RPAP3: variants seen among roughly 807,000 people sequenced by gnomAD.
RPAP3 encodes the protein RNA polymerase II-associated protein 3.
In RPAP3, 58 loss-of-function variants were observed where a neutral mutation model predicts 88.8. The observed-to-expected ratio is 0.65, with a 90% CI of 0.53 to 0.81. RPAP3 has a LOEUF of 0.81. Ranked by LOEUF, RPAP3 falls within the 40% of genes least tolerant of loss-of-function variation. RPAP3 has a pLI of 0.00. For missense variants in RPAP3, 751 were observed against 764.3 expected, an observed-to-expected ratio of 0.98 and a Z score of 0.20; for synonymous variants, 255 against 259.9, an observed-to-expected ratio of 0.98 and a Z score of 0.18.
In RPAP3 at chr12:47,669,000, A is replaced by C. The variant is rs773816735; in HGVS notation, c.1629T>G (p.Pro543=). The stretch of plus-strand genomic sequence containing the variant: ...GCTGGAACGAGTTTGCAGGAATTGG[A>C]GGAAGAACAGTTGTGGCAAACTGAG... The part of the protein sequence containing the change: ...KPAQFATTVL[P]PIPANSFQLE... Residue 543 remains proline, a synonymous_variant, in exon 14 of 17, where the codon CCT becomes CCG. Transcript: ENST00000005386. 1.9e-6 allele frequency: 3 copies of C among 1,613,842 alleles called. No homozygotes were observed. Among genetic ancestry groups the C allele is most frequent in the Non-Finnish European group, 8.5e-7 (1 of 1,179,880 alleles).
intron 12 of RPAP3, among the ~76,000 whole-genome samples, chr12:47,675,778 T>C (rs2136616558): frequency 6.6e-6 from 1 of 152,168 alleles, no homozygotes. Context: ...AGACTTAGAC[T>C]CCCAAACAAT....
At chr12:47,682,118 C>T (rs1459354798) in intron 9 of RPAP3, among the ~76,000 whole-genome samples, 1 of 152,108 alleles carries the variant, frequency 6.6e-6, no homozygotes, top group Non-Finnish European at 1.5e-5. Context: ...CTCTGCCTAC[C>T]TCTTCTCCAA....
chr12:47,666,957 G>C (rs1346185018), intron 16 of RPAP3, 23 bp downstream of exon 16: 2 of 1,290,602 alleles, frequency 1.5e-6, no homozygotes, highest in African/African-American at 3.1e-5. Flanking sequence ...AAATAAACAT[G>C]GGAAAACTTT....
In RPAP3 at chr12:47,669,026, C is replaced by A. The variant is rs1938940473; in HGVS notation, c.1603G>T (p.Ala535Ser). Residue 535 changes from alanine (A) to serine (S), a missense_variant, in exon 14 of 17, where the codon GCT (alanine) becomes TCT (serine). Physicochemically the swap from Ala to Ser is moderately conservative, Grantham distance 99. Transcript: ENST00000005386. ...GGAAGAACAGTTGTGGCAAACTGAGCAGGTTTTTGTTCTATCTCTATGGGC... is the reference window on the plus strand; with the variant it reads ...GGAAGAACAGTTGTGGCAAACTGAGAAGGTTTTTGTTCTATCTCTATGGGC... ...KMPIEIEQKP[A>S]QFATTVLPPI... 5.6e-6 allele frequency: 9 copies of A among 1,613,768 alleles called. No homozygotes were observed. Among genetic ancestry groups the A allele is most frequent in the African/African-American group, 1.3e-5 (1 of 75,012 alleles).
chr12:47,681,890 T>C, intron 9 of RPAP3, 73 bp from the exon 10 acceptor site: 1 of 1,400,424 alleles, frequency 7.1e-7, no homozygotes, highest in Non-Finnish European at 9.5e-7. Flanking sequence ...ACTAAGTTTC[T>C]AATTTAAAAA....
rs961204312 is a variant in RPAP3, at chr12:47,662,647, T to C, written c.*858A>G. 1 of 152,246 alleles carries C rather than the reference T, an allele frequency of 6.6e-6. No individual in the cohort carries two copies. The highest frequency in any genetic ancestry group is 2.4e-5 in the African/African-American group (1 of 41,466). The allele number at this position is 152,246 out of a possible 1,614,324, so 9.4% of individuals were successfully genotyped here. ...TGCTACTTTAAACATTTACTTAATA[T>C]GATTCTTGCGTCAAATTCAATTAAA... On this transcript the variant is annotated 3_prime_UTR_variant, in exon 17 of 17. Transcript: ENST00000005386.
intron 5 of RPAP3, among the ~76,000 whole-genome samples, chr12:47,694,457 T>C (rs945861657): frequency 6.6e-6 from 1 of 152,240 alleles, no homozygotes; most frequent in Admixed American, 6.5e-5. Context: ...AAACTATTTT[T>C]TTGAACAAAT....
At chr12:47,697,844 T>G in intron 3 of RPAP3, 125 bp from the exon 4 acceptor site, 2 of 839,264 alleles carry the variant, frequency 2.4e-6, no homozygotes, top group South Asian at 3.6e-5. Flanking sequence ...CCTACAGCCT[T>G]ACAAAGCAAC....
intron 10 of RPAP3, among the ~76,000 whole-genome samples, chr12:47,680,887 G>C (rs1253220244): frequency 6.7e-6 from 1 of 149,122 alleles, no homozygotes; most frequent in African/African-American, 2.5e-5. Flanking sequence ...CAGTTTGTAG[G>C]ATGGCAGATA....
intron 10 of RPAP3, 43 bp from the exon 11 acceptor site, chr12:47,679,817 TGGAG>T: frequency 7.3e-7 from 1 of 1,373,630 alleles, no homozygotes; most frequent in Non-Finnish European, 1.0e-6. Context: ...AGTTAAAATG[TGGAG>T]TTTTCATATT....
At chr12:47,679,448 C>A in intron 12 of RPAP3, 45 bp downstream of exon 12, 2 of 1,275,142 alleles carry the variant, frequency 1.6e-6, no homozygotes, top group Middle Eastern at 1.9e-4. Context: ...TCTCCTATTA[C>A]AACATATTTA....
chr12:47,690,798 A>G (rs749309818), intron 5 of RPAP3, among the ~76,000 whole-genome samples, 159 bp from the exon 6 acceptor site: 68 of 152,402 alleles, frequency 4.5e-4, no homozygotes, highest in Admixed American at 8.5e-4. Flanking sequence ...AATAAAAGCA[A>G]TACTGCCATT....
At chr12:47,681,208 T>C (rs1939216286) in intron 10 of RPAP3, among the ~76,000 whole-genome samples, 1 of 152,128 alleles carries the variant, frequency 6.6e-6, no homozygotes, top group Non-Finnish European at 1.5e-5. Context: ...CCCTAAACCC[T>C]TTCTAATAAA....
At chr12:47,676,060 G>C (rs974898744) in intron 12 of RPAP3, among the ~76,000 whole-genome samples, 5 of 152,172 alleles carry the variant, frequency 3.3e-5, no homozygotes, top group Admixed American at 3.3e-4. Context: ...AGACCACAGT[G>C]CAATCAAATT....
intron 5 of RPAP3, among the ~76,000 whole-genome samples, 198 bp from the exon 6 acceptor site, chr12:47,690,837 G>A (rs768709617): frequency 2.0e-5 from 3 of 152,166 alleles, no homozygotes; most frequent in African/African-American, 4.8e-5. Flanking sequence ...TTTGATTCTA[G>A]ACCACCACAA....
At chr12:47,683,168 AG>A (rs1457966004) in intron 9 of RPAP3, among the ~76,000 whole-genome samples, 1 of 152,180 alleles carries the variant, frequency 6.6e-6, no homozygotes, top group East Asian at 1.9e-4. Context: ...GATGCTTTCC[AG>A]GAATTCCCCT....
At chr12:47,696,239 GACATTC>G (rs1939522998) in intron 5 of RPAP3, 31 bp downstream of exon 5, 2 of 1,458,794 alleles carry the variant, frequency 1.4e-6, no homozygotes, top group Non-Finnish European at 1.8e-6. Flanking sequence ...ATATACATAA[GACATTC>G]ACATTCACAC....
chr12:47,676,424 A>C (rs140020667), intron 12 of RPAP3, among the ~76,000 whole-genome samples: 263 of 152,208 alleles, frequency 1.7e-3, no homozygotes, highest in African/African-American at 6.2e-3. Flanking sequence ...GATAGACACA[A>C]AAAAAACCCT....
rs750342232 is a variant in RPAP3 at position 47,670,092 on chromosome 12, A to C, written c.1526+15T>G. 6.9e-7 allele frequency: 1 copy of C among 1,449,504 alleles called. No individual in the cohort carries two copies. The highest frequency in any genetic ancestry group is 1.1e-5 in the South Asian group (1 of 87,682). 89.8% of individuals were successfully genotyped at this position (1,449,504 alleles called of 1,614,324 possible). On this transcript the variant is annotated intron_variant, in intron 13 of 16. Coordinates refer to ENST00000005386, the MANE Select transcript of RPAP3 (RefSeq NM_024604.3). ...CCATTCTGGATGATCAGCAAATAAC[A>C]GTATTTCTACTCACTGCAGGGATGA... is the stretch of plus-strand genomic sequence containing the variant.
Sources: allele counts gnomAD v4.1 joint callset (sites outside exome capture counted in the v4.1 genomes callset), GRCh38; gene constraint gnomAD v4.1.1; transcripts MANE v1.5; gene names NCBI Gene and HGNC (gene_info 2026-07-23, HGNC 2026-07-21).